ADCY1: variants seen among roughly 807,000 people sequenced by gnomAD.
The protein encoded by ADCY1 is adenylate cyclase type 1.
A neutral mutation model predicts 105.4 loss-of-function variants in ADCY1; 28 were observed. That is an observed-to-expected ratio of 0.27 (90% CI 0.20 to 0.36). The LOEUF is 0.36. Among genes scored for constraint, ADCY1 ranks in the 10% least tolerant of loss-of-function variants. The probability of loss-of-function intolerance (pLI) is 1.00; values close to 1 mark genes in which losing one functional copy is unlikely to be tolerated. For missense variants in ADCY1, 977 were observed against 1,434.2 expected, an observed-to-expected ratio of 0.68 and a Z score of 5.15; for synonymous variants, 655 against 623.8, an observed-to-expected ratio of 1.05 and a Z score of -0.75.
At chr7:45,625,665 T>C (rs548217441) in intron 4 of ADCY1, among the ~76,000 whole-genome samples, 16 of 152,042 alleles carry the variant, frequency 1.1e-4, no homozygotes, top group Non-Finnish European at 2.1e-4. Context: ...GGTATATATA[T>C]GAGTATGTGC....
chr7:45,696,990 G>GC (rs1319133627), intron 14 of ADCY1, among the ~76,000 whole-genome samples: 1 of 152,164 alleles, frequency 6.6e-6, no homozygotes, highest in Non-Finnish European at 1.5e-5. Context: ...GGAGGAGGTG[G>GC]TATTGGACCA....
At chr7:45,650,412 C>T (rs35561311) in intron 5 of ADCY1, among the ~76,000 whole-genome samples, 30,275 of 151,900 alleles carry the variant, frequency 0.2, 3,418 homozygotes, top group Middle Eastern at 0.32. Flanking sequence ...TGTGTGATCT[C>T]CTTGGGGGAA....
chr7:45,684,777 C>CT (rs950395381), intron 11 of ADCY1: 21 of 485,710 alleles, frequency 4.3e-5, no homozygotes, highest in Non-Finnish European at 6.3e-5. Context: ...CTTCAGGTTT[C>CT]TTTTTTTAAC....
At position 45,715,355 on chromosome 7, in the gene ADCY1, G is replaced by A. The variant is rs1478902619; in HGVS notation, c.*1360G>A. 3 of 152,420 alleles carry A rather than the reference G, an allele frequency of 2.0e-5. No individual in the cohort carries two copies. The East Asian group carries it at 5.8e-4, about 29-fold the overall frequency. 9.4% of individuals were successfully genotyped at this position (152,420 alleles called of 1,614,324 possible). A position where few individuals can be genotyped will look rare whatever the true frequency, so the allele number is the denominator to read the frequency against. On this transcript the variant is annotated 3_prime_UTR_variant, in exon 20 of 20. Transcript: ENST00000297323. ...TAAAGACCCACTGCTCTGAGATGTG[G>A]TCAGAGAGGTTTCTGTGGACTGCAG...
chr7:45,657,562 C>T (rs1050854673), intron 5 of ADCY1, among the ~76,000 whole-genome samples, 165 bp from the exon 6 acceptor site: 1 of 152,216 alleles, frequency 6.6e-6, no homozygotes, highest in African/African-American at 2.4e-5. Context: ...GGCAGGAAGG[C>T]TCCATGTCCA....
intron 4 of ADCY1, among the ~76,000 whole-genome samples, chr7:45,642,871 A>G (rs1308542496): frequency 6.6e-6 from 1 of 152,164 alleles, no homozygotes; most frequent in Non-Finnish European, 1.5e-5. Flanking sequence ...CTTCAGCATT[A>G]TTAGCTCATG....
intron 5 of ADCY1, among the ~76,000 whole-genome samples, chr7:45,654,218 C>G (rs1288033713): frequency 3.3e-5 from 5 of 152,142 alleles, no homozygotes; most frequent in African/African-American, 1.2e-4. Flanking sequence ...ATTTTTCTGT[C>G]CACTTCATGG....
At chr7:45,682,779 G>A (rs946215827) in intron 11 of ADCY1, among the ~76,000 whole-genome samples, 5 of 152,198 alleles carry the variant, frequency 3.3e-5, no homozygotes, top group African/African-American at 9.7e-5. Context: ...CCAAGGTGTG[G>A]AAGGTGGTAG....
At chr7:45,712,027 T>C (rs1272564802) in intron 19 of ADCY1, among the ~76,000 whole-genome samples, 1 of 80,564 alleles carries the variant, frequency 1.2e-5, no homozygotes, top group Admixed American at 1.3e-4. Flanking sequence ...TTATATATTA[T>C]ACTAAATATA....
chr7:45,628,709 T>G (rs1338662591), intron 4 of ADCY1, among the ~76,000 whole-genome samples: 1 of 152,210 alleles, frequency 6.6e-6, no homozygotes, highest in African/African-American at 2.4e-5. Flanking sequence ...TACATAATAC[T>G]CTGTCTTCTG....
At chr7:45,695,149 C>T (rs770475655) in intron 14 of ADCY1, among the ~76,000 whole-genome samples, 35 of 152,236 alleles carry the variant, frequency 2.3e-4, no homozygotes, top group Non-Finnish European at 4.7e-4. Flanking sequence ...GGCCTCATCA[C>T]TTATTCCCAT....
At chr7:45,611,341 T>G (rs1793587321) in intron 3 of ADCY1, among the ~76,000 whole-genome samples, 1 of 152,022 alleles carries the variant, frequency 6.6e-6, no homozygotes, top group African/African-American at 2.4e-5. Context: ...GTTACAGTTA[T>G]CTTTCCAATT....
In ADCY1 at chr7:45,722,664, AGTT is replaced by A. The variant is rs780717128; in HGVS notation, c.*8672_*8674del. 1.3e-5 allele frequency: 2 copies of A among 152,320 alleles called. No individual in the cohort carries two copies. Among genetic ancestry groups the A allele is most frequent in the African/African-American group, 2.4e-5 (1 of 41,434 alleles). 9.4% of individuals were successfully genotyped at this position (152,320 alleles called of 1,614,324 possible). A position where few individuals can be genotyped will look rare whatever the true frequency, so the allele number is the denominator to read the frequency against. On this transcript the variant is annotated 3_prime_UTR_variant, in exon 20 of 20. Transcript: ENST00000297323. ...TGGATTTTCTCGACTGTCCGAGAAA[AGTT>A]GTGTAAGCGCCTGCGTTCTTCTGGG... is the stretch of plus-strand genomic sequence containing the variant.
Position 45,723,082 on chromosome 7 carries a change from T to A in ADCY1, c.*9087T>A, listed in dbSNP as rs574703368. 1.4e-5 allele frequency: 2 copies of A among 146,522 alleles called. No individual in the cohort carries two copies. Among genetic ancestry groups the A allele is most frequent in the Admixed American group, 1.4e-4 (2 of 14,714 alleles). 9.1% of individuals were successfully genotyped at this position (146,522 alleles called of 1,614,324 possible). ...GCACTATACTTTCTGGAATCTTATTTAACAAAAATAAAGGGAAAAAATTGC... is the reference window on the plus strand; with the variant it reads ...GCACTATACTTTCTGGAATCTTATTAAACAAAAATAAAGGGAAAAAATTGC... On this transcript the variant is annotated 3_prime_UTR_variant, in exon 20 of 20. Coordinates refer to ENST00000297323, the MANE Select transcript of ADCY1 (RefSeq NM_021116.4).
Position 45,722,264 on chromosome 7 carries a change from T to C in ADCY1, c.*8269T>C, listed in dbSNP as rs954117847. 1.2e-5 allele frequency: 2 copies of C among 161,454 alleles called. No homozygotes were observed. The highest frequency in any genetic ancestry group is 4.8e-5 in the African/African-American group (2 of 41,862). 10.0% of individuals were successfully genotyped at this position (161,454 alleles called of 1,614,324 possible). On this transcript the variant is annotated 3_prime_UTR_variant, in exon 20 of 20. Transcript: ENST00000297323. ...CTTCCACCTGTAAAAACTGCACATATGCAAGCCATTTGCACTCTGGAACTG... is the reference window on the plus strand; with the variant it reads ...CTTCCACCTGTAAAAACTGCACATACGCAAGCCATTTGCACTCTGGAACTG...
chr7:45,674,651 C>A (rs140878235), intron 8 of ADCY1, among the ~76,000 whole-genome samples: 1 of 152,180 alleles, frequency 6.6e-6, no homozygotes, highest in South Asian at 2.1e-4. Context: ...GGATTACAGG[C>A]GTGAGCCACA....
intron 10 of ADCY1, among the ~76,000 whole-genome samples, chr7:45,679,485 G>C (rs963139056): frequency 6.6e-6 from 1 of 152,144 alleles, no homozygotes; most frequent in Non-Finnish European, 1.5e-5. Flanking sequence ...GTAGACTCAG[G>C]AGGGGCCCCC....
At chr7:45,641,214 C>G (rs1021949703) in intron 4 of ADCY1, among the ~76,000 whole-genome samples, 1 of 152,150 alleles carries the variant, frequency 6.6e-6, no homozygotes, top group African/African-American at 2.4e-5. Context: ...GGGCTTGATT[C>G]CGAGGCCAGG....
intron 3 of ADCY1, among the ~76,000 whole-genome samples, chr7:45,620,105 A>G (rs1793850488): frequency 6.6e-6 from 1 of 152,236 alleles, no homozygotes; most frequent in African/African-American, 2.4e-5. Context: ...AATAGATGAA[A>G]CTTGAGGACA....
Sources: allele counts gnomAD v4.1 joint callset (sites outside exome capture counted in the v4.1 genomes callset), GRCh38; gene constraint gnomAD v4.1.1; transcripts MANE v1.5; gene names NCBI Gene and HGNC (gene_info 2026-07-23, HGNC 2026-07-21).